Variants in POPDC3 observed in about 807,000 individuals in gnomAD.
POPDC3 encodes the protein popeye domain cAMP effector 3.
A neutral mutation model predicts 28.2 loss-of-function variants in POPDC3; 20 were observed. The ratio of observed to expected loss-of-function variants is 0.71; its 90% confidence interval spans 0.50 to 1.03. The LOEUF (loss-of-function observed/expected upper bound fraction) is 1.03. POPDC3 is among the 50% of genes least tolerant of loss of function. The probability of loss-of-function intolerance (pLI) is 0.00; values close to 1 mark genes in which losing one functional copy is unlikely to be tolerated. For missense variants in POPDC3, 316 were observed against 345.9 expected (o/e 0.91, Z 0.69); for synonymous variants, 118 against 124.1 (o/e 0.95, Z 0.33).
intron 1 of POPDC3, among the ~76,000 whole-genome samples, chr6:105,179,548 G>A (rs1774743702): frequency 1.3e-5 from 2 of 152,220 alleles, no homozygotes; most frequent in South Asian, 4.1e-4. Flanking sequence ...GCGTTCTTCA[G>A]GGGTCGGCGC....
chr6:105,163,126 T>C (rs1774381215), intron 1 of POPDC3, among the ~76,000 whole-genome samples: 1 of 152,234 alleles, frequency 6.6e-6, no homozygotes, highest in Admixed American at 6.5e-5. Flanking sequence ...GAGCATTAAT[T>C]GACTATGGAA....
chr6:105,158,788 A>G (rs1207960980), intron 3 of POPDC3, 37 bp from the exon 4 acceptor site: 8 of 1,504,342 alleles, frequency 5.3e-6, no homozygotes, highest in East Asian at 2.3e-5. Context: ...CAGATGTGGA[A>G]GCAAGAAAAC....
chr6:105,173,845 A>G (rs765708828), intron 1 of POPDC3, among the ~76,000 whole-genome samples: 17 of 89,072 alleles, frequency 1.9e-4, no homozygotes, highest in Non-Finnish European at 3.4e-4. Flanking sequence ...AAGAAAAAGC[A>G]TTCATAATGG....
intron 1 of POPDC3, chr6:105,178,992 G>C: frequency 1.0e-6 from 1 of 985,364 alleles, no homozygotes; most frequent in Non-Finnish European, 1.2e-6. Context: ...ATCAAATTGC[G>C]TCCAAAAGTG....
intron 1 of POPDC3, chr6:105,179,161 T>C (rs1774734206): frequency 2.0e-6 from 2 of 985,318 alleles, no homozygotes; most frequent in Non-Finnish European, 2.4e-6. Flanking sequence ...TATACCACTG[T>C]AACCGACATG....
chr6:105,166,932 GTA>G (rs1316083611), intron 1 of POPDC3, among the ~76,000 whole-genome samples: 2 of 151,166 alleles, frequency 1.3e-5, no homozygotes, highest in East Asian at 1.9e-4. Context: ...TTGTGTGTGT[GTA>G]TATATATATT....
In POPDC3 at chr6:105,161,579, A is replaced by C. The variant is rs759156622; in HGVS notation, c.331T>G (p.Leu111Val). The change falls in exon 2 of 4, where the codon TTG (leucine) becomes GTG (valine). Residue 111 changes from leucine to valine, a missense_variant. Transcript: ENST00000254765. ...SITFAREFQV[L>V]YSSLFQPLGI... ...AGGGGCTGGAAAAGGGAGCTGTACAACACTTGGAATTCTCGGGCAAAGGTT... is the reference window on the plus strand; with the variant it reads ...AGGGGCTGGAAAAGGGAGCTGTACACCACTTGGAATTCTCGGGCAAAGGTT... 6.2e-7 allele frequency: 1 copy of C among 1,614,214 alleles called. No homozygotes were observed. The highest frequency in any genetic ancestry group is 8.5e-7 in the Non-Finnish European group (1 of 1,180,042).
At chr6:105,172,057 C>A (rs1383298699) in intron 1 of POPDC3, among the ~76,000 whole-genome samples, 17 of 151,072 alleles carry the variant, frequency 1.1e-4, no homozygotes, top group Admixed American at 1.1e-3. Flanking sequence ...TAAAGAACTT[C>A]TGCACAGCAA....
At position 105,162,163 on chromosome 6, in the gene POPDC3, A is replaced by G; in HGVS notation, c.-251-3T>C. 1.6e-6 allele frequency: 2 copies of G among 1,228,352 alleles called. No homozygotes were observed. The highest frequency in any genetic ancestry group is 6.8e-5 in the East Asian group (2 of 29,562). The allele number at this position is 1,228,352 out of a possible 1,614,324, so 76.1% of individuals were successfully genotyped here. On this transcript the variant is annotated splice_polypyrimidine_tract_variant and splice_region_variant and intron_variant, in intron 1 of 3. Transcript: ENST00000254765. ...GTCTGCAAATATTTTGGTATTTCCT[A>G]TGCAAGAGAAAAAAAGATAAAGGAT...
intron 1 of POPDC3, among the ~76,000 whole-genome samples, chr6:105,163,315 C>T (rs1373476785): frequency 6.6e-6 from 1 of 152,272 alleles, no homozygotes; most frequent in South Asian, 2.1e-4. Context: ...TCTGCACATA[C>T]ATTCTCTACC....
intron 1 of POPDC3, chr6:105,170,020 T>C (rs894326792): frequency 1.3e-5 from 2 of 152,230 alleles, no homozygotes; most frequent in Admixed American, 6.5e-5. Context: ...CTACAGTTTT[T>C]TGAGGCACAG....
chr6:105,166,231 A>G (rs1402043861), intron 1 of POPDC3, among the ~76,000 whole-genome samples: 2 of 152,220 alleles, frequency 1.3e-5, no homozygotes, highest in African/African-American at 4.8e-5. Flanking sequence ...GATGTGGAGT[A>G]GAAGATGATT....
rs568369449 is a variant in POPDC3 at position 105,158,652 on chromosome 6, A to G, written c.694T>C (p.Ser232Pro). 6.2e-7 allele frequency: 1 copy of G among 1,614,046 alleles called. No homozygotes were observed. The highest frequency in any genetic ancestry group is 1.6e-4 in the Middle Eastern group (1 of 6,062). ...AQHRYISRLF[S>P]VLIGSDIADK... ...GCAATGTCACTGCCAATTAGCACTG[A>G]AAAAAGGCGGGAGATGTAGCGATGC... Residue 232 changes from serine to proline, a missense_variant, in exon 4 of 4, where the codon TCA (serine) becomes CCA (proline). By Grantham distance (74) the Ser-to-Pro change is moderately conservative. Coordinates refer to ENST00000254765, the MANE Select transcript of POPDC3 (RefSeq NM_022361.5).
chr6:105,161,187 T>C (rs969464879), intron 2 of POPDC3, among the ~76,000 whole-genome samples: 2 of 152,204 alleles, frequency 1.3e-5, no homozygotes, highest in Non-Finnish European at 1.5e-5. Context: ...ATTCATACTT[T>C]ATGTAATTTG....
At chr6:105,179,351 G>C (rs927943486) in intron 1 of POPDC3, among the ~76,000 whole-genome samples, 1 of 152,128 alleles carries the variant, frequency 6.6e-6, no homozygotes, top group Admixed American at 6.5e-5. Context: ...GGCGGGAGTA[G>C]GGGGGAAGGA....
At chr6:105,171,388 G>A (rs1006971473) in intron 1 of POPDC3, among the ~76,000 whole-genome samples, 1 of 152,090 alleles carries the variant, frequency 6.6e-6, no homozygotes, top group Non-Finnish European at 1.5e-5. Context: ...ATAATTCAGG[G>A]CCAGGTACAG....
chr6:105,159,867 A>G (rs558113197), intron 2 of POPDC3, 48 bp from the exon 3 acceptor site: 1 of 1,310,898 alleles, frequency 7.6e-7, no homozygotes, highest in African/African-American at 1.5e-5. Flanking sequence ...GAAAGAGAGC[A>G]CATAATTGGG....
chr6:105,159,392 G>A lies in POPDC3; in HGVS notation c.594+319C>T, dbSNP rs17065564. Among the ~76,000 whole-genome samples the A allele has an allele frequency of 7.9e-3, 1,198 of 152,240 alleles. 19 individuals are homozygous for A. Among genetic ancestry groups the A allele is most frequent in the African/African-American group, 0.027 (1,138 of 41,538 alleles). Reference sequence around the variant, plus strand: ...TTTTTGTTCTTGATGTTTTCTAGACGTCGCATTAGCAGTGTTTAGTCAAAT... The same window carrying A: ...TTTTTGTTCTTGATGTTTTCTAGACATCGCATTAGCAGTGTTTAGTCAAAT... On this transcript the variant is annotated intron_variant, in intron 3 of 3. Coordinates refer to ENST00000254765, the MANE Select transcript of POPDC3 (RefSeq NM_022361.5).
At chr6:105,160,456 C>CCT (rs869238047) in intron 2 of POPDC3, among the ~76,000 whole-genome samples, 1 of 128,032 alleles carries the variant, frequency 7.8e-6, no homozygotes, top group African/African-American at 2.7e-5. Flanking sequence ...TCAAGTGACC[C>CCT]ACTAGCCTCG....
Sources: allele counts gnomAD v4.1 joint callset (sites outside exome capture counted in the v4.1 genomes callset), GRCh38; gene constraint gnomAD v4.1.1; transcripts MANE v1.5; gene names NCBI Gene and HGNC (gene_info 2026-07-23, HGNC 2026-07-21).